The following KLF8 variants were observed in gnomAD, a reference collection of about 807,000 sequenced individuals.
KLF8 encodes KLF transcription factor 8.
A neutral mutation model predicts 18.2 loss-of-function variants in KLF8; 10 were observed. That is an observed-to-expected ratio of 0.55 (90% CI 0.34 to 0.93). KLF8 has a LOEUF of 0.93. Among genes scored for constraint, KLF8 ranks in the 40% least tolerant of loss-of-function variants. The pLI is 0.02. For missense variants in KLF8, 264 were observed against 277.9 expected (o/e 0.95, Z 0.36); for synonymous variants, 109 against 97.3 (o/e 1.12, Z -0.71).
chrX:55,963,339 A>G, the KLF8 span, among the ~76,000 whole-genome samples: 1 of 111,491 alleles, frequency 9.0e-6, no homozygotes, highest in Non-Finnish European at 1.9e-5. Context: ...AGTTGGACCT[A>G]CTCTCTTTGT....
chrX:56,094,869 T>A, the KLF8 span, among the ~76,000 whole-genome samples: 1 of 111,479 alleles, frequency 9.0e-6, no homozygotes, highest in Admixed American at 9.6e-5. Context: ...AAAATTGGTA[T>A]GAAAGAACAT....
the KLF8 span, among the ~76,000 whole-genome samples, chrX:56,050,357 G>A: frequency 6.3e-5 from 7 of 111,923 alleles, no homozygotes; most frequent in African/African-American, 1.9e-4. Context: ...TAATTGTGAT[G>A]TTAGTGTGTC....
the KLF8 span, among the ~76,000 whole-genome samples, chrX:55,958,609 T>C: frequency 8.9e-6 from 1 of 112,071 alleles, no homozygotes; most frequent in African/African-American, 3.2e-5. Flanking sequence ...GAGATATGCT[T>C]CATTCAATCA....
At chrX:56,037,895 T>C in the KLF8 span, among the ~76,000 whole-genome samples, 2 of 111,904 alleles carry the variant, frequency 1.8e-5, no homozygotes, top group African/African-American at 6.5e-5. Context: ...CCTGTTTTGC[T>C]GTCAAATAGT....
At chrX:56,048,017 G>A in the KLF8 span, among the ~76,000 whole-genome samples, 1 of 112,147 alleles carries the variant, frequency 8.9e-6, no homozygotes, top group Non-Finnish European at 1.9e-5. Flanking sequence ...CTGATGGCCA[G>A]TCATGATAAG....
rs1260356271 is a variant in KLF8, at chrX:56,289,394, G to A, written c.*4900G>A. 5.4e-5 allele frequency among the ~76,000 whole-genome samples: 6 copies of A among 111,496 alleles called. No homozygotes were observed. The highest frequency in any genetic ancestry group is 9.4e-5 in the Non-Finnish European group (5 of 53,128). ...TTTCTTTTACTGGAAAATTGTATTA[G>A]AAACCAATATCTGGGCATTAGGTAT... is the stretch of plus-strand genomic sequence containing the variant. On this transcript the variant is annotated 3_prime_UTR_variant, in exon 6 of 6. Transcript: ENST00000468660.
At chrX:56,185,504 G>C in the KLF8 span, among the ~76,000 whole-genome samples, 1 of 111,112 alleles carries the variant, frequency 9.0e-6, no homozygotes, top group East Asian at 2.8e-4. Context: ...CCAACATTCA[G>C]ATTCAGGAAA....
chrX:55,963,689 C>G, the KLF8 span, among the ~76,000 whole-genome samples: 1 of 112,050 alleles, frequency 8.9e-6, no homozygotes, highest in Admixed American at 9.5e-5. Context: ...CTTCAACACA[C>G]CACAAACAGT....
chrX:56,145,376 C>A, the KLF8 span, among the ~76,000 whole-genome samples: 1 of 111,924 alleles, frequency 8.9e-6, no homozygotes, highest in African/African-American at 3.2e-5. Context: ...GATACACCTA[C>A]TGTGGAAAAC....
the KLF8 span, among the ~76,000 whole-genome samples, chrX:56,026,017 C>T: frequency 8.9e-6 from 1 of 112,196 alleles, no homozygotes; most frequent in Non-Finnish European, 1.9e-5. Context: ...CATGCTTCGG[C>T]CGTGCGTAGA....
chrX:56,285,480 G>A lies in KLF8; in HGVS notation c.*986G>A, dbSNP rs1193515601. Reference sequence around the variant, plus strand: ...GGCTGGCTGTACTGTTTATTTTTTCGTTTACACAAAGAAGCAATTGAGTAT... The same window carrying A: ...GGCTGGCTGTACTGTTTATTTTTTCATTTACACAAAGAAGCAATTGAGTAT... On this transcript the variant is annotated 3_prime_UTR_variant, in exon 6 of 6. Coordinates refer to ENST00000468660, the MANE Select transcript of KLF8 (RefSeq NM_007250.5). 1.8e-5 allele frequency: 2 copies of A among 111,114 alleles called. No individual in the cohort carries two copies. Among genetic ancestry groups the A allele is most frequent in the African/African-American group, 3.3e-5 (1 of 30,520 alleles). 9.2% of individuals were successfully genotyped at this position (111,114 alleles called of 1,213,427 possible). A position where few individuals can be genotyped will look rare whatever the true frequency, so the allele number is the denominator to read the frequency against.
chrX:56,130,677 A>T, the KLF8 span, among the ~76,000 whole-genome samples: 2 of 111,988 alleles, frequency 1.8e-5, no homozygotes, highest in Non-Finnish European at 3.8e-5. Context: ...TTGCTGGCAA[A>T]AGAATTCAGA....
At chrX:56,001,408 G>A in the KLF8 span, among the ~76,000 whole-genome samples, 1 of 111,578 alleles carries the variant, frequency 9.0e-6, no homozygotes, top group Admixed American at 9.5e-5. Context: ...CTTTCTTTCT[G>A]TGGCCAATCC....
the KLF8 span, among the ~76,000 whole-genome samples, chrX:56,193,501 T>G: frequency 7.1e-5 from 8 of 112,083 alleles, no homozygotes; most frequent in African/African-American, 2.6e-4. Flanking sequence ...GCATTATATC[T>G]AAGAGATATC....
At chrX:56,250,946 G>T (rs1443187110) in intron 2 of KLF8, among the ~76,000 whole-genome samples, 2 of 112,145 alleles carry the variant, frequency 1.8e-5, no homozygotes, top group African/African-American at 6.5e-5. Flanking sequence ...CAACTGATTG[G>T]TTGAGGACCA....
the KLF8 span, among the ~76,000 whole-genome samples, chrX:56,222,903 T>A: frequency 1.8e-5 from 2 of 112,693 alleles, no homozygotes; most frequent in Non-Finnish European, 3.8e-5. Context: ...GCAAGCGCCG[T>A]GTGCAGTCCC....
At chrX:56,014,443 G>T in the KLF8 span, among the ~76,000 whole-genome samples, 6 of 112,207 alleles carry the variant, frequency 5.3e-5, no homozygotes, top group East Asian at 1.1e-3. Flanking sequence ...ACTCACACCA[G>T]TCAGAATGGC....
the KLF8 span, among the ~76,000 whole-genome samples, chrX:56,183,947 A>G: frequency 9.0e-5 from 10 of 111,623 alleles, no homozygotes; most frequent in Non-Finnish European, 1.9e-4. Flanking sequence ...TGAGCGATGC[A>G]GAAGATGGGT....
At chrX:56,189,404 AC>A in the KLF8 span, among the ~76,000 whole-genome samples, 1 of 111,361 alleles carries the variant, frequency 9.0e-6, no homozygotes, top group Non-Finnish European at 1.9e-5. Context: ...AAATAGGAAC[AC>A]TTTTACACTG....
Sources: allele counts gnomAD v4.1 joint callset (sites outside exome capture counted in the v4.1 genomes callset), GRCh38; gene constraint gnomAD v4.1.1; transcripts MANE v1.5; gene names NCBI Gene and HGNC (gene_info 2026-07-23, HGNC 2026-07-21).